The following CAPRIN2 variants were observed in gnomAD, a reference collection of about 807,000 sequenced individuals.
CAPRIN2 encodes the protein caprin-2.
Under a neutral mutation model 130.4 loss-of-function variants are expected in CAPRIN2, and 66 were observed. That is an observed-to-expected ratio of 0.51 (90% CI 0.42 to 0.62). The LOEUF (loss-of-function observed/expected upper bound fraction) is 0.62, where lower values mean the gene tolerates loss of function less well. CAPRIN2 is among the 20% of genes least tolerant of loss of function. The pLI is 0.00. For missense variants in CAPRIN2, 1,185 were observed against 1,246.6 expected (o/e 0.95, Z 0.74); for synonymous variants, 471 against 444.1 (o/e 1.06, Z -0.76).
chr12:30,746,404 C>G (rs540512711), intron 2 of CAPRIN2, among the ~76,000 whole-genome samples: 25 of 152,196 alleles, frequency 1.6e-4, no homozygotes, highest in Non-Finnish European at 3.1e-4. Context: ...AAAACAAACA[C>G]ACACCGACAA....
chr12:30,748,555 TTG>T (rs2071921623), intron 2 of CAPRIN2, among the ~76,000 whole-genome samples: 1 of 152,230 alleles, frequency 6.6e-6, no homozygotes, highest in East Asian at 1.9e-4. Flanking sequence ...AACCAAAAAT[TTG>T]TGTGACTTGC....
chr12:30,712,844 C>T (rs918610582), intron 15 of CAPRIN2, among the ~76,000 whole-genome samples: 2 of 146,988 alleles, frequency 1.4e-5, no homozygotes, highest in African/African-American at 2.5e-5. Context: ...CAGGTTCAAG[C>T]GATTCTCCTG....
intron 2 of CAPRIN2, among the ~76,000 whole-genome samples, chr12:30,749,799 C>T (rs1445858759): frequency 6.6e-6 from 1 of 152,166 alleles, no homozygotes; most frequent in African/African-American, 2.4e-5. Context: ...CAGAGTATTA[C>T]TCCAGATATC....
Position 30,710,197 on chromosome 12 carries a change from A to G in CAPRIN2, c.2939T>C (p.Phe980Ser). The change falls in exon 17 of 17, where the codon TTT (phenylalanine) becomes TCT (serine). Residue 980 changes from phenylalanine to serine, a missense_variant. Phe to Ser is a radical substitution (Grantham distance 155, BLOSUM62 -2). Around this residue, in one of 2 missense-constraint regions of CAPRIN2, gnomAD observed 81 missense variants for 142.2 expected, o/e 0.57. Transcript: ENST00000298892. The surrounding 1 kb of genome is among the most constrained non-coding windows in gnomAD (Gnocchi z 4.8). ...ATTAAATCTACCAAGCTGAAGATCA[A>G]AAGTTTCTCCTAAGTTGTTCAGAAG... 1 of 1,614,182 alleles carries G rather than the reference A, an allele frequency of 6.2e-7. No homozygotes were observed.
At chr12:30,724,061 T>C (rs901859348) in intron 10 of CAPRIN2, among the ~76,000 whole-genome samples, 1 of 152,038 alleles carries the variant, frequency 6.6e-6, no homozygotes, top group African/African-American at 2.4e-5. Context: ...AGATTTAGAG[T>C]CCAAAGGAGT....
At chr12:30,738,044 T>A (rs2065706209) in intron 3 of CAPRIN2, among the ~76,000 whole-genome samples, 1 of 152,032 alleles carries the variant, frequency 6.6e-6, no homozygotes, top group Non-Finnish European at 1.5e-5. Flanking sequence ...TTCCACAAAC[T>A]GCAAAACTGG....
At chr12:30,748,426 G>T (rs1443095203) in intron 2 of CAPRIN2, among the ~76,000 whole-genome samples, 1 of 152,176 alleles carries the variant, frequency 6.6e-6, no homozygotes, top group African/African-American at 2.4e-5. Flanking sequence ...ATGACTATTA[G>T]CATTTTTTAG....
chr12:30,711,414 C>T, intron 16 of CAPRIN2, 152 bp downstream of exon 18: 1 of 644,742 alleles, frequency 1.6e-6, no homozygotes, highest in Non-Finnish European at 2.8e-6. Context: ...TAGTATCTCC[C>T]TTAGTACTTT....
At position 30,710,304 on chromosome 12, in the gene CAPRIN2, C is replaced by T. The variant is rs759470076; in HGVS notation, c.2832G>A (p.Gln944=). ...CTGCTGAGAAGGCAACTCGCATCTG[C>T]TGAGGCAGAGGGTAGACGTGTACTG... Residue 944 remains glutamine (Q), a synonymous_variant, in exon 17 of 17, where the codon CAG becomes CAA. Transcript: ENST00000298892. This position sits in a 1 kb window ranked among gnomAD's most constrained non-coding sequence, Gnocchi z 4.8. 9.9e-6 allele frequency: 16 copies of T among 1,614,064 alleles called. No homozygotes were observed. Among genetic ancestry groups the T allele is most frequent in the Non-Finnish European group, 8.5e-7 (1 of 1,180,046 alleles).
chr12:30,728,242 T>G (rs1181297109), intron 8 of CAPRIN2: 1 of 157,892 alleles, frequency 6.3e-6, no homozygotes, highest in African/African-American at 2.4e-5. Flanking sequence ...ATTTTATACA[T>G]TAACTTCACA....
intron 11 of CAPRIN2, among the ~76,000 whole-genome samples, chr12:30,723,013 C>T (rs920585569): frequency 6.6e-6 from 1 of 152,134 alleles, no homozygotes; most frequent in African/African-American, 2.4e-5. Flanking sequence ...AGACAAGGTA[C>T]CCTCTGATTT....
chr12:30,730,181 T>A, intron 7 of CAPRIN2, 58 bp downstream of exon 8: 1 of 1,386,940 alleles, frequency 7.2e-7, no homozygotes, highest in Non-Finnish European at 1.0e-6. Context: ...CTTCCAACCA[T>A]AACCCTATGC....
chr12:30,739,577 G>T (rs528637844), intron 3 of CAPRIN2, among the ~76,000 whole-genome samples: 1 of 152,104 alleles, frequency 6.6e-6, no homozygotes, highest in African/African-American at 2.4e-5. Context: ...TTCTTAAAAA[G>T]AATAAGTCGC....
intron 12 of CAPRIN2, chr12:30,719,084 G>C (rs1208767404): frequency 3.7e-6 from 6 of 1,613,166 alleles, no homozygotes; most frequent in Non-Finnish European, 5.1e-6. Context: ...CTCACTGTCT[G>C]CATGGCTTGA....
chr12:30,754,003 A>C, exon 1 of CAPRIN2: 1 of 470,340 alleles, frequency 2.1e-6, no homozygotes, highest in Non-Finnish European at 3.8e-6. Context: ...TGAGCCACTC[A>C]AACCTCTTTA....
chr12:30,733,719 G>C lies in CAPRIN2; in HGVS notation c.810-8C>G. On this transcript the variant is annotated splice_region_variant and splice_polypyrimidine_tract_variant and intron_variant, in intron 4 of 16. Coordinates refer to ENST00000298892, the Ensembl canonical transcript of CAPRIN2. ...TCCATCTGGTCTTCAACACTGACAA[G>C]GAAAAGCAGCAGCAGAACAAAGTGG... is the stretch of plus-strand genomic sequence containing the variant. The C allele has an allele frequency of 1.9e-6, 3 of 1,609,076 alleles. No individual in the cohort carries two copies. The highest frequency in any genetic ancestry group is 2.6e-6 in the Non-Finnish European group (3 of 1,175,546).
exon 10 of CAPRIN2, chr12:30,724,395 A>T: frequency 6.2e-7 from 1 of 1,613,092 alleles, no homozygotes. Context: ...GAGTAGCTGA[A>T]GGCGGTTGTG....
rs1213940865 is a variant in CAPRIN2, at chr12:30,711,643, A to G, written c.2602-14T>C. 3 of 1,607,222 alleles carry G rather than the reference A, an allele frequency of 1.9e-6. No individual in the cohort carries two copies. Among genetic ancestry groups the G allele is most frequent in the African/African-American group, 2.7e-5 (2 of 74,916 alleles). On this transcript the variant is annotated splice_polypyrimidine_tract_variant and intron_variant, in intron 15 of 16. Coordinates refer to ENST00000298892, the Ensembl canonical transcript of CAPRIN2. ...CTGGAAATTATCCTAAAGTGAACAT[A>G]TAATATTTACCTTGGCATCAAAAAT...
upstream of CAPRIN2, chr12:30,754,682 T>C (rs1454604733): frequency 6.6e-6 from 1 of 151,848 alleles, no homozygotes. Flanking sequence ...CGCCCAGACC[T>C]GCCCACCCTC....
Sources: allele counts gnomAD v4.1 joint callset (sites outside exome capture counted in the v4.1 genomes callset), GRCh38; gene constraint gnomAD v4.1.1; regional missense constraint gnomAD v4.1.1; non-coding constraint Gnocchi (gnomAD v3.1); transcripts MANE v1.5; gene names NCBI Gene and HGNC (gene_info 2026-07-23, HGNC 2026-07-21).